CREBZF: variants seen among roughly 807,000 people sequenced by gnomAD.
The protein encoded by CREBZF is HCF-binding transcription factor Zhangfei.
CREBZF carries 8 observed loss-of-function variants against 21.1 expected under a neutral mutation model. The ratio of observed to expected loss-of-function variants is 0.38; its 90% confidence interval spans 0.22 to 0.68. The LOEUF (loss-of-function observed/expected upper bound fraction) is 0.68, where lower values mean the gene tolerates loss of function less well. CREBZF is among the 30% of genes least tolerant of loss of function. CREBZF has a pLI of 0.51. For missense variants in CREBZF, 518 were observed against 484.3 expected (o/e 1.07, Z -0.65); for synonymous variants, 270 against 223.3 (o/e 1.21, Z -1.86).
chr11:85,677,833 G>A (rs1295452697), intron 1 of CREBZF, among the ~76,000 whole-genome samples: 1 of 152,164 alleles, frequency 6.6e-6, no homozygotes, highest in Non-Finnish European at 1.5e-5. Flanking sequence ...TTCATCTAAT[G>A]ATGATCAGTT....
In CREBZF at chr11:85,664,746, C is replaced by G; in HGVS notation, c.130G>C (p.Glu44Gln). 1 of 1,607,320 alleles carries G rather than the reference C, an allele frequency of 6.2e-7. No individual in the cohort carries two copies. The highest frequency in any genetic ancestry group is 1.1e-5 in the South Asian group (1 of 90,814). Residue 44 changes from glutamate to glutamine, a missense_variant, in exon 1 of 1, where the codon GAG (glutamate) becomes CAG (glutamine). Around this residue, in one of 3 missense-constraint regions of CREBZF, gnomAD observed 396 missense variants for 324.4 expected, o/e 1.22. Transcript: ENST00000527447. This position sits in a 1 kb window ranked among gnomAD's most constrained non-coding sequence, Gnocchi z 5.5. ...CCGGGAGATCCGGCCGCCGCCGTCT[C>G]CTCCTCCCCCGCTGCAGCCCGGGTC... The part of the protein sequence containing the change: ...DLTRAAAGEE[E>Q]TAAAGSPGRK...
chr11:85,675,457 C>T (rs1444246319), intron 1 of CREBZF, among the ~76,000 whole-genome samples: 3 of 152,148 alleles, frequency 2.0e-5, no homozygotes, highest in African/African-American at 7.2e-5. Context: ...TCAGAACACA[C>T]ACAACATTCA....
chr11:85,669,296 A>G (rs2082895124), upstream of CREBZF, among the ~76,000 whole-genome samples: 1 of 152,104 alleles, frequency 6.6e-6, no homozygotes, highest in African/African-American at 2.4e-5. Context: ...TCAGCTTCTC[A>G]TAGCTAAATA....
Position 85,663,847 on chromosome 11 carries a change from C to G in CREBZF, c.1029G>C (p.Ala343=), listed in dbSNP as rs1267731631. The G allele has an allele frequency of 1.2e-6, 2 of 1,605,210 alleles. No individual in the cohort carries two copies. Among genetic ancestry groups the G allele is most frequent in the Non-Finnish European group, 1.7e-6 (2 of 1,177,710 alleles). The change falls in exon 1 of 1, where the codon GCG becomes GCC. Residue 343 remains alanine (A), a synonymous_variant. Coordinates refer to ENST00000527447, the MANE Select transcript of CREBZF (RefSeq NM_001039618.4). ...GAGAAGACGACGCCTTCCGGGCGCA[C>G]GCCGAGCAGAACTCCACCGACACCT... ...KDKVSVEFCS[A]CARKASSSLK... is the part of the protein sequence containing the mutation.
intron 1 of CREBZF, among the ~76,000 whole-genome samples, chr11:85,679,891 T>C (rs528593691): frequency 3.8e-4 from 58 of 152,392 alleles, no homozygotes; most frequent in African/African-American, 1.4e-3. Flanking sequence ...ATATAGCTTA[T>C]TGGGAAGTTA....
At position 85,662,091 on chromosome 11, in the gene CREBZF, G is replaced by A. The variant is rs2082702297; in HGVS notation, c.*1720C>T. ...TTCATCACTCCAATTTGTGAGTTTGGCTACTACCCATTCATGCTCAAGTGC... is the reference window on the plus strand; with the variant it reads ...TTCATCACTCCAATTTGTGAGTTTGACTACTACCCATTCATGCTCAAGTGC... On this transcript the variant is annotated 3_prime_UTR_variant, in exon 1 of 1. Coordinates refer to ENST00000527447, the MANE Select transcript of CREBZF (RefSeq NM_001039618.4). The A allele has an allele frequency of 3.5e-6, 1 of 282,326 alleles. No individual in the cohort carries two copies. Among genetic ancestry groups the A allele is most frequent in the Non-Finnish European group, 7.2e-6 (1 of 138,434 alleles). 17.5% of individuals were successfully genotyped at this position (282,326 alleles called of 1,614,324 possible).
rs2082638871 is a variant in CREBZF at position 85,660,343 on chromosome 11, A to C, written c.*3468T>G. ...CTCCCATGAAAGACAAAAAAAGTAT[A>C]ATTTTGTTCCAAGATTAACTTAGTC... On this transcript the variant is annotated 3_prime_UTR_variant, in exon 1 of 1. Transcript: ENST00000527447. 1 of 199,390 alleles carries C rather than the reference A, an allele frequency of 5.0e-6. No individual in the cohort carries two copies. Among genetic ancestry groups the C allele is most frequent in the Non-Finnish European group, 1.0e-5 (1 of 95,748 alleles). 12.4% of individuals were successfully genotyped at this position (199,390 alleles called of 1,614,324 possible). A position where few individuals can be genotyped will look rare whatever the true frequency, so the allele number is the denominator to read the frequency against.
rs948992410 is a variant in CREBZF at position 85,658,889 on chromosome 11, T to C, written c.*4922A>G. Among the ~76,000 whole-genome samples, 5 of 152,184 alleles carry C rather than the reference T, an allele frequency of 3.3e-5. No homozygotes were observed. The East Asian group carries it at 9.6e-4, about 29-fold the overall frequency. ...GTAACTACACTTTTCAATTAGTTCA[T>C]TGTGAAAACTGAGCAAAATATTTTC... On this transcript the variant is annotated 3_prime_UTR_variant, in exon 1 of 1. Coordinates refer to ENST00000527447, the MANE Select transcript of CREBZF (RefSeq NM_001039618.4).
At chr11:85,673,758 G>A (rs1393065128) in intron 1 of CREBZF, among the ~76,000 whole-genome samples, 1 of 152,168 alleles carries the variant, frequency 6.6e-6, no homozygotes, top group Non-Finnish European at 1.5e-5. Context: ...TTCAGAATTG[G>A]AGTCAATTCT....
intron 1 of CREBZF, among the ~76,000 whole-genome samples, chr11:85,676,952 A>AT (rs905936505): frequency 1.7e-5 from 2 of 116,686 alleles, no homozygotes; most frequent in Non-Finnish European, 3.5e-5. Context: ...CTGTAAAGTA[A>AT]TTTTTTTCTT....
At chr11:85,668,989 G>T (rs561097778), upstream of CREBZF, among the ~76,000 whole-genome samples, 8 of 65,320 alleles carry the variant, frequency 1.2e-4, no homozygotes, top group Non-Finnish European at 2.2e-4. Context: ...GCGACAGAGC[G>T]AGACTCCGTC....
At chr11:85,682,594 C>T in intron 1 of CREBZF, 1 of 477,162 alleles carries the variant, frequency 2.1e-6, no homozygotes, top group Non-Finnish European at 3.6e-6. Flanking sequence ...GCGCCCCTAC[C>T]CCCTGCCCTA....
chr11:85,667,205 C>G (rs1239290197), upstream of CREBZF, among the ~76,000 whole-genome samples: 1 of 150,674 alleles, frequency 6.6e-6, no homozygotes, highest in Non-Finnish European at 1.5e-5. Flanking sequence ...CCACCCCCCG[C>G]CGCCAACCCC....
Position 85,659,435 on chromosome 11 carries a change from C to T in CREBZF, c.*4376G>A, listed in dbSNP as rs1180151367. Among the ~76,000 whole-genome samples, 2 of 152,058 alleles carry T rather than the reference C, an allele frequency of 1.3e-5. No individual in the cohort carries two copies. The highest frequency in any genetic ancestry group is 4.8e-5 in the African/African-American group (2 of 41,426). ...ACTAGCTGTACTGTAGGAGCATCAG[C>T]GCCTAAGTTTTAAGCCAGTGGGAAT... On this transcript the variant is annotated 3_prime_UTR_variant, in exon 1 of 1. Transcript: ENST00000527447.
chr11:85,674,288 A>G (rs904495022), intron 1 of CREBZF, among the ~76,000 whole-genome samples: 1 of 152,224 alleles, frequency 6.6e-6, no homozygotes, highest in Admixed American at 6.5e-5. Context: ...CAGGCATAAA[A>G]ACTTTAATCT....
intron 1 of CREBZF, among the ~76,000 whole-genome samples, chr11:85,672,344 C>T (rs1441225217): frequency 2.0e-5 from 3 of 152,246 alleles, no homozygotes; most frequent in Admixed American, 2.0e-4. Flanking sequence ...CTAAAATGCC[C>T]TGGAGACATT....
chr11:85,668,919 G>A (rs1351467922), upstream of CREBZF, among the ~76,000 whole-genome samples: 1 of 145,958 alleles, frequency 6.9e-6, no homozygotes, highest in African/African-American at 2.5e-5. Flanking sequence ...GGAGAATGGC[G>A]TGAACCTGGG....
intron 1 of CREBZF, chr11:85,682,613 AACGCGATCTT>A: frequency 9.1e-5 from 1 of 11,044 alleles, no homozygotes. Context: ...TACTCCCCCC[AACGCGATCTT>A]CCAGACGCGC....
rs772675436 is a variant in CREBZF, at chr11:85,664,259, G to T, written c.617C>A (p.Ala206Glu). 2 of 1,612,660 alleles carry T rather than the reference G, an allele frequency of 1.2e-6. No homozygotes were observed. Among genetic ancestry groups the T allele is most frequent in the Non-Finnish European group, 8.5e-7 (1 of 1,179,796 alleles). ...GGSGNDNNQA[A>E]TKSPRKAAAA... ...CGCCGCCTTCCGGGGACTCTTTGTC[G>T]CCGCCTGGTTGTTGTCGTTACCGCT... Residue 206 changes from alanine to glutamate, a missense_variant, in exon 1 of 1, where the codon GCG becomes GAG. Around this residue, in one of 3 missense-constraint regions of CREBZF, gnomAD observed 396 missense variants for 324.4 expected, o/e 1.22. Transcript: ENST00000527447. This position sits in a 1 kb window ranked among gnomAD's most constrained non-coding sequence, Gnocchi z 5.5.
Sources: gnomAD v4.1 joint callset for allele counts (sites outside exome capture counted in the v4.1 genomes callset) on GRCh38, gnomAD v4.1.1 for gene constraint, gnomAD v4.1.1 regional missense constraint, Gnocchi (gnomAD v3.1) non-coding constraint, MANE v1.5 for transcripts, NCBI Gene and HGNC (gene_info 2026-07-23, HGNC 2026-07-21) for gene names.